RBM47: variants seen among roughly 807,000 people sequenced by gnomAD.
RBM47 encodes the protein RNA-binding protein 47.
RBM47 carries 21 observed loss-of-function variants against 47.1 expected under a neutral mutation model. The ratio of observed to expected loss-of-function variants is 0.45; its 90% CI spans 0.32 to 0.64. The LOEUF is 0.64. RBM47 is among the 30% of genes least tolerant of loss of function. The pLI, the probability that RBM47 is intolerant of heterozygous loss-of-function variation, is 0.05. For synonymous variants in RBM47, 375 were observed against 361.7 expected, an observed-to-expected ratio of 1.04 and a Z score of -0.42; for missense variants, 708 against 870.9, an observed-to-expected ratio of 0.81 and a Z score of 2.35.
chr4:40,618,579 G>C (rs1018423870), intron 1 of RBM47, among the ~76,000 whole-genome samples: 2 of 151,968 alleles, frequency 1.3e-5, no homozygotes, highest in African/African-American at 4.8e-5. Context: ...GGAAGGCCGA[G>C]GTGGGCAGAT....
intron 2 of RBM47, among the ~76,000 whole-genome samples, chr4:40,485,879 G>A (rs921491640): frequency 6.7e-6 from 1 of 149,782 alleles, no homozygotes; most frequent in Non-Finnish European, 1.5e-5. Flanking sequence ...GGGCAACATG[G>A]CAAAAGGCCA....
intron 3 of RBM47, among the ~76,000 whole-genome samples, chr4:40,443,125 G>A (rs540863536): frequency 3.0e-4 from 45 of 152,246 alleles, no homozygotes; most frequent in African/African-American, 1.1e-3. Flanking sequence ...TTCATAGACA[G>A]AAAGTAGACT....
rs760688662 is a variant in RBM47 at position 40,423,458 on chromosome 4, TAAAAA to T, written c.*2441_*2445del. On this transcript the variant is annotated 3_prime_UTR_variant, in exon 7 of 7. Transcript: ENST00000295971. ...CATTTATATAGTTTGTTCTTAACAC[TAAAAA>T]AAAAAAAAGTTCACATTTCAAGTTA... is the stretch of plus-strand genomic sequence containing the variant. 7.2e-6 allele frequency: 1 copy of T among 138,808 alleles called. No individual in the cohort carries two copies. The highest frequency in any genetic ancestry group is 2.6e-5 in the African/African-American group (1 of 37,756). The allele number at this position is 138,808 out of a possible 1,614,324, so 8.6% of individuals were successfully genotyped here. A position where few individuals can be genotyped will look rare whatever the true frequency, so the allele number is the denominator to read the frequency against.
intron 1 of RBM47, among the ~76,000 whole-genome samples, chr4:40,615,300 A>G (rs1014802328): frequency 5.3e-5 from 8 of 151,948 alleles, no homozygotes; most frequent in Non-Finnish European, 8.8e-5. Context: ...AAAATTGGCC[A>G]GGCATGAGGG....
intron 1 of RBM47, among the ~76,000 whole-genome samples, chr4:40,604,697 C>T (rs915317723): frequency 1.4e-5 from 2 of 147,666 alleles, no homozygotes; most frequent in Non-Finnish European, 1.5e-5. Flanking sequence ...ACACATTTCA[C>T]GATTGCCACA....
At position 40,460,002 on chromosome 4, in the gene RBM47, C is replaced by T. The variant is rs190764260; in HGVS notation, c.-32+6575G>A. ...AATTCCCAACCTCAGGTGATCCACC[C>T]GCCTCGGCCTCTCAAAGTGCTGGGA... On this transcript the variant is annotated intron_variant, in intron 3 of 6. Transcript: ENST00000295971. Among the ~76,000 whole-genome samples the T allele has an allele frequency of 1.0e-3, 158 of 152,250 alleles. 1 individual carries two copies. The highest frequency in any genetic ancestry group is 3.5e-3 in the African/African-American group (147 of 41,560).
At chr4:40,533,668 G>C (rs4508929) in intron 2 of RBM47, among the ~76,000 whole-genome samples, 28,454 of 151,932 alleles carry the variant, frequency 0.19, 3,039 homozygotes, top group African/African-American at 0.28. Context: ...CTGGATCTCA[G>C]TCTGTCACCC....
At chr4:40,582,379 CA>C (rs1733039818) in intron 1 of RBM47, among the ~76,000 whole-genome samples, 1 of 152,008 alleles carries the variant, frequency 6.6e-6, no homozygotes, top group Non-Finnish European at 1.5e-5. Flanking sequence ...ACCAAAAATA[CA>C]AAAATTAGCC....
intron 2 of RBM47, among the ~76,000 whole-genome samples, chr4:40,533,160 G>A (rs1337415933): frequency 1.3e-5 from 2 of 152,120 alleles, no homozygotes; most frequent in Non-Finnish European, 2.9e-5. Context: ...GAGGCCAGAT[G>A]CAGTGGCTTA....
chr4:40,588,749 G>C (rs993503672), intron 1 of RBM47, among the ~76,000 whole-genome samples: 25 of 152,086 alleles, frequency 1.6e-4, no homozygotes, highest in African/African-American at 5.6e-4. Flanking sequence ...ACTCCAAAAA[G>C]AGATCCTGAA....
At chr4:40,520,044 T>C (rs1040016018) in intron 2 of RBM47, among the ~76,000 whole-genome samples, 2 of 152,092 alleles carry the variant, frequency 1.3e-5, no homozygotes, top group African/African-American at 4.8e-5. Context: ...CTATTTCATA[T>C]TGAAGCCCTC....
intron 2 of RBM47, among the ~76,000 whole-genome samples, chr4:40,529,841 T>TAAAC (rs1252091503): frequency 1.9e-5 from 2 of 106,000 alleles, no homozygotes; most frequent in African/African-American, 7.3e-5. Flanking sequence ...AAATAATAAA[T>TAAAC]AAATAAATAA....
chr4:40,511,313 C>A (rs189003496), intron 2 of RBM47, among the ~76,000 whole-genome samples: 1 of 152,318 alleles, frequency 6.6e-6, no homozygotes, highest in Non-Finnish European at 1.5e-5. Context: ...AATGCCTTTT[C>A]ATTTGGGTCC....
chr4:40,591,977 C>A (rs2154275268), intron 1 of RBM47, among the ~76,000 whole-genome samples: 1 of 152,268 alleles, frequency 6.6e-6, no homozygotes, highest in South Asian at 2.1e-4. Context: ...AGAGCTTCAC[C>A]ATGGTAATCT....
chr4:40,558,966 C>T (rs1275445031), intron 1 of RBM47, among the ~76,000 whole-genome samples: 2 of 152,138 alleles, frequency 1.3e-5, no homozygotes, highest in African/African-American at 4.8e-5. Context: ...TGCACTCCAG[C>T]CTGGGTGACA....
chr4:40,569,481 T>C (rs1328964233), intron 1 of RBM47, among the ~76,000 whole-genome samples: 16 of 148,738 alleles, frequency 1.1e-4, no homozygotes, highest in African/African-American at 2.7e-4. Context: ...GCGATCTCAG[T>C]TCACTGCAAT....
chr4:40,520,926 C>G (rs1291180320), intron 2 of RBM47, among the ~76,000 whole-genome samples: 4 of 152,134 alleles, frequency 2.6e-5, no homozygotes, highest in Non-Finnish European at 2.9e-5. Context: ...CTGAGAGGCT[C>G]CACGGTTCTT....
intron 1 of RBM47, among the ~76,000 whole-genome samples, chr4:40,565,607 T>A (rs568369945): frequency 6.6e-6 from 1 of 152,316 alleles, no homozygotes; most frequent in Non-Finnish European, 1.5e-5. Context: ...TCAAATCTTA[T>A]TCCGTGACAA....
chr4:40,452,840 CTTT>C (rs34438216), intron 3 of RBM47, among the ~76,000 whole-genome samples: 11,968 of 124,954 alleles, frequency 0.096, 587 homozygotes, highest in African/African-American at 0.14. Context: ...TGATTTCCTT[CTTT>C]TTTTTTTTTT....
Sources: allele counts gnomAD v4.1 joint callset (sites outside exome capture counted in the v4.1 genomes callset), GRCh38; gene constraint gnomAD v4.1.1; transcripts MANE v1.5; gene names NCBI Gene and HGNC (gene_info 2026-07-23, HGNC 2026-07-21).